The following XPC variants were observed in gnomAD, a reference collection of about 807,000 sequenced individuals.
XPC encodes XPC complex subunit, DNA damage recognition and repair factor.
A neutral mutation model predicts 95.8 loss-of-function variants in XPC; 76 were observed. The observed-to-expected ratio is 0.79, with a 90% CI of 0.66 to 0.96. XPC has a LOEUF of 0.96. XPC is among the 40% of genes least tolerant of loss of function. XPC has a pLI of 0.00. For missense variants in XPC, 1,146 were observed against 1,179.8 expected (o/e 0.97, Z 0.42); for synonymous variants, 442 against 442.1 (o/e 1.00, Z 0.00).
intron 5 of XPC, 84 bp from the exon 6 acceptor site, chr3:14,165,669 C>A: frequency 6.6e-7 from 1 of 1,509,404 alleles, no homozygotes; most frequent in Non-Finnish European, 9.0e-7. Context: ...TCAAGACATG[C>A]TGTGGACAAG....
At chr3:14,149,088 CCTT>C in intron 11 of XPC, 140 bp from the exon 12 acceptor site, 4 of 1,278,974 alleles carry the variant, frequency 3.1e-6, no homozygotes, top group Non-Finnish European at 4.3e-6. Flanking sequence ...GCTTTTTCTC[CCTT>C]TTTTTTTTTT....
At position 14,150,418 on chromosome 3, in the gene XPC, G is replaced by A. The variant is rs115373819; in HGVS notation, c.2116-1470C>T. 8.8e-3 allele frequency among the ~76,000 whole-genome samples: 1,337 copies of A among 152,268 alleles called. 12 individuals are homozygous for A. Among genetic ancestry groups the A allele is most frequent in the Non-Finnish European group, 0.015 (1,042 of 68,016 alleles). ...ATTCCCCAGGTTGGGGGTGGCCTGC[G>A]AGCTCTCATGTCCATTCCTGCCATG... On this transcript the variant is annotated intron_variant, in intron 11 of 15. Transcript: ENST00000285021.
intron 2 of XPC, among the ~76,000 whole-genome samples, chr3:14,171,818 A>G (rs1696625763): frequency 6.6e-6 from 1 of 151,978 alleles, no homozygotes; most frequent in Non-Finnish European, 1.5e-5. Flanking sequence ...GCGAGACTCC[A>G]TTAAGGACGG....
At position 14,158,919 on chromosome 3, in the gene XPC, T is replaced by C; in HGVS notation, c.991-27A>G. 3 of 1,612,988 alleles carry C rather than the reference T, an allele frequency of 1.9e-6. No homozygotes were observed. Among genetic ancestry groups the C allele is most frequent in the South Asian group, 1.1e-5 (1 of 91,008 alleles). ...TTAAACAGAATAAGAAATTTTGCTT[T>C]TTTTTCTCCCCCCTCTTTTGCTAAT... On this transcript the variant is annotated intron_variant, in intron 8 of 15. Coordinates refer to ENST00000285021, the MANE Select transcript of XPC (RefSeq NM_004628.5). This position sits in a 1 kb window ranked among gnomAD's most constrained non-coding sequence, Gnocchi z 5.2.
In XPC at chr3:14,148,903, C is replaced by T. The variant is rs886058048; in HGVS notation, c.2161G>A (p.Glu721Lys). 1 of 1,614,006 alleles carries T rather than the reference C, an allele frequency of 6.2e-7. No individual in the cohort carries two copies. Among genetic ancestry groups the T allele is most frequent in the Non-Finnish European group, 8.5e-7 (1 of 1,179,894 alleles). ...TCATTTTCTTCCCGCAGCTGGGGCT[C>T]AGCAAGTCGGGCTTTCCGAGCACGG... is the stretch of plus-strand genomic sequence containing the variant. ...SNRARKARLAEPQLREENDLG... is the reference protein window; with the variant it reads ...SNRARKARLAKPQLREENDLG... Residue 721 changes from glutamate (E) to lysine (K), a missense_variant, in exon 12 of 16, where the codon GAG (glutamate) becomes AAG (lysine). By Grantham distance (56) the Glu-to-Lys change is moderately conservative. Coordinates refer to ENST00000285021, the MANE Select transcript of XPC (RefSeq NM_004628.5).
intron 14 of XPC, 175 bp from the exon 15 acceptor site, chr3:14,147,554 T>A: frequency 1.5e-6 from 1 of 669,396 alleles, no homozygotes; most frequent in South Asian, 2.0e-5. Context: ...AGTGATATAC[T>A]ATACCTGAAA....
intron 1 of XPC, among the ~76,000 whole-genome samples, chr3:14,174,502 G>C (rs961814568): frequency 1.3e-5 from 2 of 152,192 alleles, no homozygotes; most frequent in Non-Finnish European, 1.5e-5. Context: ...AAAAAGCACA[G>C]CTTTTATTTC....
At chr3:14,175,301 C>A (rs1442989283) in intron 1 of XPC, among the ~76,000 whole-genome samples, 1 of 152,130 alleles carries the variant, frequency 6.6e-6, no homozygotes, top group Non-Finnish European at 1.5e-5. Context: ...ACACTGATTC[C>A]CATTTAGCTG....
chr3:14,175,101 C>T (rs1276133809), intron 1 of XPC, among the ~76,000 whole-genome samples: 1 of 152,060 alleles, frequency 6.6e-6, no homozygotes, highest in Non-Finnish European at 1.5e-5. Context: ...AAGCTCAGGC[C>T]CTTGCTCACT....
chr3:14,165,658 G>A, intron 5 of XPC, 73 bp from the exon 6 acceptor site: 1 of 1,553,504 alleles, frequency 6.4e-7, no homozygotes, highest in Non-Finnish European at 8.8e-7. Context: ...TGCTGCCAAA[G>A]TCAAGACATG....
At chr3:14,165,803 C>T (rs1696356215) in intron 5 of XPC, 1 of 507,324 alleles carries the variant, frequency 2.0e-6, no homozygotes, top group East Asian at 3.2e-5. Context: ...AATCATCAAA[C>T]CTCAAAGCTT....
At chr3:14,168,893 G>A (rs912169328) in intron 3 of XPC, among the ~76,000 whole-genome samples, 3 of 152,072 alleles carry the variant, frequency 2.0e-5, no homozygotes, top group Admixed American at 1.3e-4. Flanking sequence ...CACCCCCTAC[G>A]TTGCTTGTAT....
At position 14,148,010 on chromosome 3, in the gene XPC, A is replaced by G. The variant is rs780895258; in HGVS notation, c.2421-9T>C. ...CGATGTATCCATCAGTCCTGTGGGGACACAACGCGATGTCAACCCTCGAAC... is the reference window on the plus strand; with the variant it reads ...CGATGTATCCATCAGTCCTGTGGGGGCACAACGCGATGTCAACCCTCGAAC... On this transcript the variant is annotated splice_polypyrimidine_tract_variant and intron_variant, in intron 13 of 15. Coordinates refer to ENST00000285021, the MANE Select transcript of XPC (RefSeq NM_004628.5). 79 of 1,566,066 alleles carry G rather than the reference A, an allele frequency of 5.0e-5. No homozygotes were observed. Among genetic ancestry groups the G allele is most frequent in the Non-Finnish European group, 6.6e-5 (76 of 1,152,604 alleles).
chr3:14,148,318 A>C (rs1695533026), intron 13 of XPC: 1 of 616,990 alleles, frequency 1.6e-6, no homozygotes, highest in Non-Finnish European at 2.7e-6. Context: ...CTAGCCTGTG[A>C]GTCCCTAAAC....
intron 2 of XPC, 44 bp downstream of exon 2, chr3:14,172,823 T>G: frequency 8.6e-5 from 135 of 1,576,736 alleles, no homozygotes; most frequent in Non-Finnish European, 1.1e-4. Flanking sequence ...AATTCTCTGA[T>G]GAGAAAAATC....
intron 10 of XPC, among the ~76,000 whole-genome samples, chr3:14,155,961 A>G (rs1040034612): frequency 1.3e-5 from 2 of 152,160 alleles, no homozygotes; most frequent in Non-Finnish European, 2.9e-5. Flanking sequence ...CATCCCAAAC[A>G]GGGCTCTGTA....
intron 5 of XPC, among the ~76,000 whole-genome samples, chr3:14,166,251 C>T (rs1217698297): frequency 6.6e-6 from 1 of 152,134 alleles, no homozygotes; most frequent in East Asian, 1.9e-4. Context: ...TGCTGCCTCT[C>T]TCTCCTCACT....
intron 1 of XPC, among the ~76,000 whole-genome samples, chr3:14,174,860 A>G (rs1255307763): frequency 6.6e-6 from 1 of 151,934 alleles, no homozygotes; most frequent in Non-Finnish European, 1.5e-5. Context: ...GTTCTCTGCT[A>G]TTTTTTGGTC....
chr3:14,165,510 C>T lies in XPC; in HGVS notation c.697G>A (p.Gly233Ser), dbSNP rs1315486617. The T allele has an allele frequency of 1.2e-6, 2 of 1,610,560 alleles. No individual in the cohort carries two copies. The highest frequency in any genetic ancestry group is 1.7e-6 in the Non-Finnish European group (2 of 1,178,412). ...ICSQPDLHAI[G>S]LSIIPARFTR... is the part of the protein sequence containing the mutation. ...AAGCGGGCTGGGATGATGGACAGGC[C>T]AATAGCATGCAGATCTGGCTGGCTG... is the stretch of plus-strand genomic sequence containing the variant. Residue 233 changes from glycine to serine, a missense_variant, in exon 6 of 16, where the codon GGC becomes AGC. Gly to Ser is a moderately conservative substitution (Grantham distance 56). Coordinates refer to ENST00000285021, the MANE Select transcript of XPC (RefSeq NM_004628.5).
Sources: gnomAD v4.1 joint callset for allele counts (sites outside exome capture counted in the v4.1 genomes callset) on GRCh38, gnomAD v4.1.1 for gene constraint, Gnocchi (gnomAD v3.1) non-coding constraint, MANE v1.5 for transcripts, NCBI Gene and HGNC (gene_info 2026-07-23, HGNC 2026-07-21) for gene names.